Variants in PKHD1 observed in about 807,000 individuals in gnomAD.
The protein encoded by PKHD1 is fibrocystin.
Under a neutral mutation model 412.0 loss-of-function variants are expected in PKHD1, and 291 were observed. The ratio of observed to expected loss-of-function variants is 0.71; its 90% CI spans 0.64 to 0.78. PKHD1 has a LOEUF of 0.78. Ranked by LOEUF, PKHD1 falls within the 30% of genes least tolerant of loss-of-function variation. PKHD1 has a pLI of 0.00. For missense variants in PKHD1, 4,825 were observed against 4,950.7 expected, an observed-to-expected ratio of 0.97 and a Z score of 0.76; for synonymous variants, 1,777 against 1,821.5, an observed-to-expected ratio of 0.98 and a Z score of 0.62.
intron 51 of PKHD1, among the ~76,000 whole-genome samples, chr6:51,834,850 G>T (rs73442348): frequency 0.018 from 2,668 of 152,222 alleles, 81 homozygotes; most frequent in African/African-American, 0.061. Flanking sequence ...TGCTCAATAA[G>T]GCAATTTAAA....
chr6:51,988,737 T>C (rs1199987877), intron 35 of PKHD1, among the ~76,000 whole-genome samples: 1 of 152,202 alleles, frequency 6.6e-6, no homozygotes, highest in African/African-American at 2.4e-5. Context: ...GGTTAAGCAC[T>C]ATCACCATCA....
At chr6:51,765,255 T>G (rs551225015) in intron 55 of PKHD1, among the ~76,000 whole-genome samples, 1 of 145,750 alleles carries the variant, frequency 6.9e-6, no homozygotes, top group Admixed American at 6.7e-5. Context: ...ACATGATTTC[T>G]GGCCTCAACT....
At chr6:51,899,591 C>A (rs1189374438) in intron 43 of PKHD1, among the ~76,000 whole-genome samples, 1 of 150,874 alleles carries the variant, frequency 6.6e-6, no homozygotes, top group African/African-American at 2.4e-5. Flanking sequence ...GAAGCATTCC[C>A]TTTGAAAACT....
chr6:51,629,343 T>C lies in PKHD1; in HGVS notation c.11666-2227A>G, dbSNP rs182374951. Among the ~76,000 whole-genome samples, 189 of 151,896 alleles carry C rather than the reference T, an allele frequency of 1.2e-3. 1 individual carries two copies. Among genetic ancestry groups the C allele is most frequent in the African/African-American group, 4.2e-3 (176 of 41,486 alleles). On this transcript the variant is annotated intron_variant, in intron 65 of 66. Transcript: ENST00000371117. ...GACAAAGGCCTAATACCAGAATCTATAAGAACTTAAATCAAAAATCAAAAA... is the reference window on the plus strand; with the variant it reads ...GACAAAGGCCTAATACCAGAATCTACAAGAACTTAAATCAAAAATCAAAAA...
At chr6:51,807,452 A>ATAT (rs1274808322) in intron 52 of PKHD1, among the ~76,000 whole-genome samples, 11 of 82,310 alleles carry the variant, frequency 1.3e-4, no homozygotes, top group African/African-American at 4.2e-4. Flanking sequence ...AAAAAAAAAA[A>ATAT]AAAAAAATAT....
chr6:52,061,252 G>A (rs1808625255), intron 14 of PKHD1, among the ~76,000 whole-genome samples: 1 of 152,194 alleles, frequency 6.6e-6, no homozygotes, highest in Non-Finnish European at 1.5e-5. Context: ...GTGCAGTGGT[G>A]TGATCATGGC....
In PKHD1 at chr6:51,912,363, T is replaced by C; in HGVS notation, c.6332+3A>G. Reference sequence around the variant, plus strand: ...TCAACTTAGCCAAGCTGACACTCAGTACCTCAAAGGTGACTTAAGATAGAG... The same window carrying C: ...TCAACTTAGCCAAGCTGACACTCAGCACCTCAAAGGTGACTTAAGATAGAG... On this transcript the variant is annotated splice_donor_region_variant and intron_variant, in intron 38 of 66. Coordinates refer to ENST00000371117, the MANE Select transcript of PKHD1 (RefSeq NM_138694.4). The C allele has an allele frequency of 6.3e-7, 1 of 1,589,372 alleles. No homozygotes were observed. Among genetic ancestry groups the C allele is most frequent in the Non-Finnish European group, 8.6e-7 (1 of 1,157,738 alleles).
At chr6:51,954,518 A>G (rs1161268043) in intron 36 of PKHD1, among the ~76,000 whole-genome samples, 1 of 152,134 alleles carries the variant, frequency 6.6e-6, no homozygotes, top group Non-Finnish European at 1.5e-5. Flanking sequence ...ACTATTAAGC[A>G]GCAACAGAGA....
chr6:52,017,969 G>T (rs1367489957), intron 33 of PKHD1, among the ~76,000 whole-genome samples: 1 of 152,036 alleles, frequency 6.6e-6, no homozygotes, highest in East Asian at 1.9e-4. Flanking sequence ...TTTTTAAATA[G>T]TTTTATCACA....
chr6:51,821,384 G>C (rs1428623288), intron 52 of PKHD1, among the ~76,000 whole-genome samples: 2 of 152,096 alleles, frequency 1.3e-5, no homozygotes, highest in Non-Finnish European at 2.9e-5. Flanking sequence ...CTCAGTCCTG[G>C]ATAAACCAGG....
At chr6:51,981,816 C>T in intron 35 of PKHD1, among the ~76,000 whole-genome samples, 1 of 129,026 alleles carries the variant, frequency 7.8e-6, no homozygotes, top group Non-Finnish European at 1.8e-5. Flanking sequence ...GCCTGGCTGC[C>T]CAGTCTGGAA....
intron 60 of PKHD1, among the ~76,000 whole-genome samples, chr6:51,669,055 C>T (rs1417278578): frequency 6.6e-6 from 1 of 152,162 alleles, no homozygotes; most frequent in African/African-American, 2.4e-5. Flanking sequence ...ATGATGCTGG[C>T]CTCATAAAAT....
At chr6:51,726,697 GGTAA>G (rs1043115817) in intron 60 of PKHD1, among the ~76,000 whole-genome samples, 40 of 152,236 alleles carry the variant, frequency 2.6e-4, no homozygotes, top group African/African-American at 8.9e-4. Flanking sequence ...TCTAAAATGT[GGTAA>G]GTAAGGTCTA....
At chr6:51,909,790 T>C (rs992713133) in intron 39 of PKHD1, among the ~76,000 whole-genome samples, 21 of 152,198 alleles carry the variant, frequency 1.4e-4, no homozygotes, top group African/African-American at 4.8e-4. Context: ...ATCTAAAAGA[T>C]CCTCTGGAGG....
At chr6:52,073,818 A>G (rs1810986771) in intron 6 of PKHD1, among the ~76,000 whole-genome samples, 1 of 152,204 alleles carries the variant, frequency 6.6e-6, no homozygotes, top group African/African-American at 2.4e-5. Flanking sequence ...TCTTCTTCAC[A>G]GTCTCAGATT....
chr6:51,743,828 C>T (rs910320570), intron 60 of PKHD1, among the ~76,000 whole-genome samples: 2 of 152,128 alleles, frequency 1.3e-5, no homozygotes, highest in African/African-American at 4.8e-5. Flanking sequence ...AATGATCTCT[C>T]CAGGGGTCCA....
At position 52,004,900 on chromosome 6, in the gene PKHD1, C is replaced by A. The variant is rs549589150; in HGVS notation, c.5751+5409G>T. On this transcript the variant is annotated intron_variant, in intron 35 of 66. Coordinates refer to ENST00000371117, the MANE Select transcript of PKHD1 (RefSeq NM_138694.4). The stretch of plus-strand genomic sequence containing the variant: ...TCCCAGTAGCTATAGCCTGCTAGAC[C>A]TCACAGAAATATACTCACTACATGA... Among the ~76,000 whole-genome samples, 8 of 152,252 alleles carry A rather than the reference C, an allele frequency of 5.3e-5. No individual in the cohort carries two copies. The East Asian group carries it at 1.5e-3, about 29-fold the overall frequency.
intron 33 of PKHD1, among the ~76,000 whole-genome samples, chr6:52,020,456 G>A (rs1039498965): frequency 6.6e-6 from 1 of 152,122 alleles, no homozygotes; most frequent in African/African-American, 2.4e-5. Flanking sequence ...AAAGAATATA[G>A]GATTTCAGAG....
At chr6:51,665,299 T>C (rs1773554253) in intron 60 of PKHD1, among the ~76,000 whole-genome samples, 2 of 152,178 alleles carry the variant, frequency 1.3e-5, no homozygotes, top group South Asian at 4.1e-4. Context: ...AGAATGATGA[T>C]TGGGATGTGA....
Sources: gnomAD v4.1 joint callset for allele counts (sites outside exome capture counted in the v4.1 genomes callset) on GRCh38, gnomAD v4.1.1 for gene constraint, MANE v1.5 for transcripts, NCBI Gene and HGNC (gene_info 2026-07-23, HGNC 2026-07-21) for gene names.